DPYD: variants seen among roughly 807,000 people sequenced by gnomAD.
DPYD encodes dihydropyrimidine dehydrogenase, also known as dihydropyrimidine dehydrogenase [NADP(+)].
Under a neutral mutation model 116.2 loss-of-function variants are expected in DPYD, and 109 were observed. That is an observed-to-expected ratio of 0.94 (90% CI 0.80 to 1.10). DPYD has a LOEUF of 1.10. Among genes scored for constraint, DPYD ranks in the 50% least tolerant of loss-of-function variants. The pLI, the probability that DPYD is intolerant of heterozygous loss-of-function variation, is 0.00. For synonymous variants in DPYD, 440 were observed against 432.0 expected (o/e 1.02, Z -0.23); for missense variants, 1,302 against 1,254.5 (o/e 1.04, Z -0.57).
chr1:97,132,027 G>A (rs1039201164), intron 20 of DPYD, among the ~76,000 whole-genome samples: 12 of 152,058 alleles, frequency 7.9e-5, no homozygotes, highest in African/African-American at 2.9e-4. Context: ...GCTATTAAAA[G>A]TAAACACAAC....
intron 19 of DPYD, among the ~76,000 whole-genome samples, chr1:97,218,748 A>T (rs1168990154): frequency 1.3e-5 from 2 of 152,164 alleles, no homozygotes; most frequent in African/African-American, 4.8e-5. Context: ...GATATGCCAA[A>T]TCAAAAGTGA....
At chr1:97,581,694 T>C (rs1483012154) in intron 10 of DPYD, among the ~76,000 whole-genome samples, 1 of 143,984 alleles carries the variant, frequency 6.9e-6, no homozygotes, top group Non-Finnish European at 1.5e-5. Context: ...TGCAATGAGC[T>C]GTGATCACGC....
At chr1:97,117,847 C>G (rs1385980286) in intron 20 of DPYD, among the ~76,000 whole-genome samples, 3 of 152,058 alleles carry the variant, frequency 2.0e-5, no homozygotes, top group African/African-American at 7.2e-5. Flanking sequence ...TGCCTGATAT[C>G]TTTTTAATAA....
chr1:97,280,789 A>G (rs1341639262), intron 18 of DPYD, among the ~76,000 whole-genome samples: 1 of 152,138 alleles, frequency 6.6e-6, no homozygotes, highest in Non-Finnish European at 1.5e-5. Flanking sequence ...ATACAAAGTT[A>G]TAGTTAGGAA....
At chr1:97,563,327 G>A (rs1652296108) in intron 11 of DPYD, among the ~76,000 whole-genome samples, 1 of 152,142 alleles carries the variant, frequency 6.6e-6, no homozygotes, top group African/African-American at 2.4e-5. Context: ...ATTATAGGCT[G>A]TGGTCAATAA....
intron 20 of DPYD, among the ~76,000 whole-genome samples, chr1:97,140,995 G>A (rs1378517820): frequency 6.6e-6 from 1 of 152,136 alleles, no homozygotes; most frequent in South Asian, 2.1e-4. Flanking sequence ...TGTGAGCTGA[G>A]TGGATCATAC....
At chr1:97,625,099 A>G (rs577202545) in intron 8 of DPYD, among the ~76,000 whole-genome samples, 1 of 152,206 alleles carries the variant, frequency 6.6e-6, no homozygotes, top group African/African-American at 2.4e-5. Flanking sequence ...TTCCTAAGAT[A>G]TTAAGTTCAT....
intron 21 of DPYD, among the ~76,000 whole-genome samples, chr1:97,087,738 T>C (rs936004919): frequency 6.6e-6 from 1 of 152,194 alleles, no homozygotes; most frequent in Non-Finnish European, 1.5e-5. Context: ...AAGGTAAGTG[T>C]ATTTCTACAA....
intron 14 of DPYD, 139 bp downstream of exon 14, chr1:97,449,920 C>G (rs2101790586): frequency 9.2e-7 from 1 of 1,081,658 alleles, no homozygotes. Flanking sequence ...TTTTATCTTT[C>G]TATGCATCAG....
At chr1:97,712,586 T>C (rs74987558) in intron 5 of DPYD, among the ~76,000 whole-genome samples, 1,967 of 152,288 alleles carry the variant, frequency 0.013, 36 homozygotes, top group African/African-American at 0.044. Context: ...TCTACCTTTT[T>C]GTTTCTCATT....
intron 8 of DPYD, among the ~76,000 whole-genome samples, chr1:97,655,527 A>C (rs2100853085): frequency 6.6e-6 from 1 of 152,310 alleles, no homozygotes; most frequent in Non-Finnish European, 1.5e-5. Context: ...TTTCCTATGG[A>C]GTTAAATTTG....
At chr1:97,912,662 G>A (rs1477630067) in intron 1 of DPYD, among the ~76,000 whole-genome samples, 4 of 151,888 alleles carry the variant, frequency 2.6e-5, no homozygotes, top group East Asian at 1.9e-4. Context: ...AAATCAAATC[G>A]GGGAAATAAA....
At chr1:97,485,677 TGTG>T (rs1557745222) in intron 13 of DPYD, among the ~76,000 whole-genome samples, 1 of 152,200 alleles carries the variant, frequency 6.6e-6, no homozygotes, top group Non-Finnish European at 1.5e-5. Flanking sequence ...TTAAAATACA[TGTG>T]GTCATTTTTC....
intron 12 of DPYD, among the ~76,000 whole-genome samples, chr1:97,522,031 G>A (rs1004255115): frequency 6.6e-6 from 1 of 152,086 alleles, no homozygotes; most frequent in Non-Finnish European, 1.5e-5. Context: ...AAGAGCAATG[G>A]CAACAAAAGC....
chr1:97,572,507 A>T (rs1236495208), intron 11 of DPYD, among the ~76,000 whole-genome samples: 1 of 152,004 alleles, frequency 6.6e-6, no homozygotes, highest in African/African-American at 2.4e-5. Flanking sequence ...AATCAACAGA[A>T]TTGCTAGTTA....
intron 13 of DPYD, among the ~76,000 whole-genome samples, chr1:97,498,480 C>A (rs1679394977): frequency 7.9e-6 from 1 of 126,580 alleles, no homozygotes; most frequent in South Asian, 2.7e-4. Context: ...TTGCCTCTCT[C>A]TCTCTTTCTC....
chr1:97,818,432 T>C (rs1295626322), intron 3 of DPYD, among the ~76,000 whole-genome samples: 3 of 152,044 alleles, frequency 2.0e-5, no homozygotes, highest in Admixed American at 1.3e-4. Flanking sequence ...GTAATCAATA[T>C]TTCTCACCTT....
chr1:97,382,362 TA>T, intron 15 of DPYD, 30 bp downstream of exon 15: 2 of 1,397,630 alleles, frequency 1.4e-6, no homozygotes, highest in Non-Finnish European at 2.0e-6. Flanking sequence ...AGAGAAGAAA[TA>T]AAATAAATAT....
intron 1 of DPYD, among the ~76,000 whole-genome samples, chr1:97,891,249 C>T (rs1204414632): frequency 6.6e-6 from 1 of 151,904 alleles, no homozygotes; most frequent in Non-Finnish European, 1.5e-5. Context: ...CAACAGGTCA[C>T]AGAGTCCCCT....
Sources: gnomAD v4.1 joint callset for allele counts (sites outside exome capture counted in the v4.1 genomes callset) on GRCh38, gnomAD v4.1.1 for gene constraint, MANE v1.5 for transcripts, NCBI Gene and HGNC (gene_info 2026-07-23, HGNC 2026-07-21) for gene names.